AFG2A: variants seen among roughly 807,000 people sequenced by gnomAD.
The protein encoded by AFG2A is ATPase family gene 2 protein homolog A.
the AFG2A span, among the ~76,000 whole-genome samples, chr4:123,016,425 G>A: frequency 4.6e-5 from 7 of 151,306 alleles, no homozygotes; most frequent in African/African-American, 1.5e-4. Flanking sequence ...GGGCAGAGAC[G>A]CTCCTCACCT....
At chr4:122,978,945 C>T in the AFG2A span, among the ~76,000 whole-genome samples, 1 of 152,182 alleles carries the variant, frequency 6.6e-6, no homozygotes, top group African/African-American at 2.4e-5. Flanking sequence ...GGGGGTGCTT[C>T]CTGGGTTCTC....
chr4:123,039,964 C>A, the AFG2A span, among the ~76,000 whole-genome samples: 1 of 151,960 alleles, frequency 6.6e-6, no homozygotes, highest in African/African-American at 2.4e-5. Flanking sequence ...CCTAGTACTC[C>A]ATTTTATGAG....
chr4:123,088,865 C>G, the AFG2A span, among the ~76,000 whole-genome samples: 2 of 152,118 alleles, frequency 1.3e-5, no homozygotes, highest in African/African-American at 4.8e-5. Flanking sequence ...TCATAAATTA[C>G]CCAGTCTCAG....
At chr4:123,001,468 G>A in the AFG2A span, among the ~76,000 whole-genome samples, 5 of 151,380 alleles carry the variant, frequency 3.3e-5, no homozygotes, top group East Asian at 9.7e-4. Context: ...TCTACACACT[G>A]CTTTGAATGT....
At chr4:123,177,501 G>C in the AFG2A span, among the ~76,000 whole-genome samples, 1 of 152,042 alleles carries the variant, frequency 6.6e-6, no homozygotes, top group Non-Finnish European at 1.5e-5. Context: ...GTGAGCCACC[G>C]TGCTGGCCAG....
chr4:123,057,990 A>C, the AFG2A span, among the ~76,000 whole-genome samples: 1 of 152,198 alleles, frequency 6.6e-6, no homozygotes, highest in Admixed American at 6.5e-5. Context: ...GGTGGTAATT[A>C]CAGTGAAGGG....
the AFG2A span, among the ~76,000 whole-genome samples, chr4:122,957,753 CATG>C: frequency 6.6e-6 from 1 of 152,004 alleles, no homozygotes; most frequent in African/African-American, 2.4e-5. Context: ...TGTTGTTAAA[CATG>C]ATAAGTTTCC....
chr4:123,122,768 C>T, the AFG2A span, among the ~76,000 whole-genome samples: 1,771 of 148,428 alleles, frequency 0.012, 42 homozygotes, highest in African/African-American at 0.041. Context: ...TTGGCCATGT[C>T]ATCTGTTTTT....
At chr4:123,077,840 C>T in the AFG2A span, among the ~76,000 whole-genome samples, 1 of 152,130 alleles carries the variant, frequency 6.6e-6, no homozygotes, top group African/African-American at 2.4e-5. Flanking sequence ...TTCAGTGGTA[C>T]TTCAGTATGT....
chr4:123,002,842 A>G, the AFG2A span, among the ~76,000 whole-genome samples: 1,842 of 152,180 alleles, frequency 0.012, 42 homozygotes, highest in African/African-American at 0.041. Flanking sequence ...CTGAATCTGA[A>G]TGTTGGCCTG....
chr4:123,131,163 CCTT>C, the AFG2A span, among the ~76,000 whole-genome samples: 91 of 152,176 alleles, frequency 6.0e-4, no homozygotes, highest in African/African-American at 2.2e-3. Flanking sequence ...ATATTACAAA[CCTT>C]CTCTTAATCT....
At chr4:123,226,741 G>C in the AFG2A span, among the ~76,000 whole-genome samples, 1 of 152,162 alleles carries the variant, frequency 6.6e-6, no homozygotes, top group South Asian at 2.1e-4. Flanking sequence ...AGTTAGGAAG[G>C]ATTCCCTCTC....
the AFG2A span, among the ~76,000 whole-genome samples, chr4:123,006,915 G>C: frequency 1.5e-5 from 2 of 137,704 alleles, no homozygotes; most frequent in Non-Finnish European, 3.1e-5. Context: ...TTTTCCATTT[G>C]CAAAGTTATT....
the AFG2A span, among the ~76,000 whole-genome samples, chr4:123,015,200 T>TG: frequency 6.6e-6 from 1 of 151,224 alleles, no homozygotes; most frequent in East Asian, 1.9e-4. Context: ...TTTTTTTTTT[T>TG]TTAATTGATC....
chr4:123,002,500 G>T, the AFG2A span, among the ~76,000 whole-genome samples: 3 of 152,024 alleles, frequency 2.0e-5, no homozygotes, highest in African/African-American at 7.3e-5. Context: ...GGCAGGCCTG[G>T]TGGTGACAAA....
chr4:122,983,825 C>G, the AFG2A span, among the ~76,000 whole-genome samples: 1 of 152,330 alleles, frequency 6.6e-6, no homozygotes, highest in African/African-American at 2.4e-5. Context: ...AGACAACCCC[C>G]AGTACCAACC....
the AFG2A span, among the ~76,000 whole-genome samples, chr4:123,313,241 A>G: frequency 6.6e-6 from 1 of 151,998 alleles, no homozygotes; most frequent in African/African-American, 2.4e-5. Flanking sequence ...ATTCTTTTCA[A>G]TTCTTCCAGC....
At chr4:123,272,234 T>G in the AFG2A span, among the ~76,000 whole-genome samples, 1 of 152,244 alleles carries the variant, frequency 6.6e-6, no homozygotes, top group South Asian at 2.1e-4. Context: ...GATAATCCAT[T>G]CTCTTTGTGT....
At chr4:123,266,259 C>T in the AFG2A span, among the ~76,000 whole-genome samples, 1 of 151,878 alleles carries the variant, frequency 6.6e-6, no homozygotes, top group South Asian at 2.1e-4. Flanking sequence ...AACCCAAATG[C>T]CAAGTCTTCC....
Sources: gnomAD v4.1 joint callset for allele counts (sites outside exome capture counted in the v4.1 genomes callset) on GRCh38, gnomAD v4.1.1 for gene constraint, MANE v1.5 for transcripts, NCBI Gene and HGNC (gene_info 2026-07-23, HGNC 2026-07-21) for gene names.